HHAT: variants seen among roughly 807,000 people sequenced by gnomAD.
HHAT encodes the protein protein-cysteine N-palmitoyltransferase HHAT.
Under a neutral mutation model 70.8 loss-of-function variants are expected in HHAT, and 47 were observed. That is an observed-to-expected ratio of 0.66 (90% CI 0.53 to 0.85). The LOEUF (loss-of-function observed/expected upper bound fraction) is 0.85, where lower values mean the gene tolerates loss of function less well. Among genes scored for constraint, HHAT ranks in the 40% least tolerant of loss-of-function variants. The probability of loss-of-function intolerance (pLI) is 0.00; values close to 1 mark genes in which losing one functional copy is unlikely to be tolerated. For synonymous variants in HHAT, 228 were observed against 247.6 expected (o/e 0.92, Z 0.74); for missense variants, 609 against 604.8 (o/e 1.01, Z -0.07).
chr1:210,359,664 C>A (rs1353561033), intron 2 of HHAT, among the ~76,000 whole-genome samples: 4 of 152,098 alleles, frequency 2.6e-5, no homozygotes, highest in Non-Finnish European at 5.9e-5. Flanking sequence ...TCGAGACCAG[C>A]CTGACCAACA....
intron 6 of HHAT, among the ~76,000 whole-genome samples, chr1:210,417,451 T>C (rs1572285988): frequency 6.6e-6 from 1 of 152,154 alleles, no homozygotes; most frequent in African/African-American, 2.4e-5. Flanking sequence ...GCCAGGCTGG[T>C]CTCGAACTCC....
chr1:210,372,239 G>T (rs1298441369), intron 3 of HHAT, among the ~76,000 whole-genome samples: 1 of 152,128 alleles, frequency 6.6e-6, no homozygotes, highest in East Asian at 1.9e-4. Flanking sequence ...GTCCCTAGTC[G>T]GTGTAGCCAA....
In HHAT at chr1:210,490,027, T is replaced by C. The variant is rs145725351; in HGVS notation, c.1008-23126T>C. On this transcript the variant is annotated intron_variant, in intron 8 of 11. Coordinates refer to ENST00000261458, the MANE Select transcript of HHAT (RefSeq NM_018194.6). ...GAGATATAGAAGGAAGCAAAGAATT[T>C]AGTGAGCCCATTTGAGTTAAAAAAG... Among the ~76,000 whole-genome samples, 227 of 152,332 alleles carry C rather than the reference T, an allele frequency of 1.5e-3. 1 individual carries two copies. The highest frequency in any genetic ancestry group is 5.3e-3 in the African/African-American group (220 of 41,570).
At chr1:210,432,189 T>C (rs1356790437) in intron 7 of HHAT, among the ~76,000 whole-genome samples, 1 of 151,818 alleles carries the variant, frequency 6.6e-6, no homozygotes, top group Non-Finnish European at 1.5e-5. Flanking sequence ...ACGTGGGAAC[T>C]GTTGCACACA....
intron 6 of HHAT, among the ~76,000 whole-genome samples, chr1:210,406,625 G>A (rs887711729): frequency 2.0e-5 from 3 of 152,068 alleles, no homozygotes; most frequent in African/African-American, 4.8e-5. Context: ...AACTCCTGAG[G>A]TCAGGCAATC....
intron 11 of HHAT, among the ~76,000 whole-genome samples, chr1:210,626,843 A>T (rs1669930899): frequency 1.3e-5 from 2 of 152,304 alleles, no homozygotes; most frequent in East Asian, 1.9e-4. Context: ...TCCGAAACTC[A>T]TCTGACCCCA....
At chr1:210,582,197 A>G (rs1049826162) in intron 9 of HHAT, among the ~76,000 whole-genome samples, 8 of 152,164 alleles carry the variant, frequency 5.3e-5, no homozygotes, top group Non-Finnish European at 1.2e-4. Flanking sequence ...AAATGGTATG[A>G]CCAAAGGCAC....
chr1:210,522,913 T>G (rs1431190811), intron 9 of HHAT, among the ~76,000 whole-genome samples: 1 of 152,216 alleles, frequency 6.6e-6, no homozygotes, highest in Non-Finnish European at 1.5e-5. Flanking sequence ...TCACAATTTC[T>G]GGCTCAAGAA....
chr1:210,415,437 T>C (rs2092692195), intron 6 of HHAT, among the ~76,000 whole-genome samples: 1 of 152,178 alleles, frequency 6.6e-6, no homozygotes, highest in African/African-American at 2.4e-5. Context: ...GCATCTGTAA[T>C]TGCAGTTAGG....
chr1:210,598,963 A>C (rs1185154778), intron 10 of HHAT, among the ~76,000 whole-genome samples: 1 of 152,182 alleles, frequency 6.6e-6, no homozygotes, highest in African/African-American at 2.4e-5. Context: ...TTTGGGGATC[A>C]AAATATAGAA....
At chr1:210,628,924 G>A (rs956228345) in intron 11 of HHAT, among the ~76,000 whole-genome samples, 16 of 152,198 alleles carry the variant, frequency 1.1e-4, no homozygotes, top group African/African-American at 3.9e-4. Context: ...AGGTGTCGGT[G>A]TCTCAGAGGC....
At chr1:210,637,599 C>T (rs1433366766) in intron 11 of HHAT, among the ~76,000 whole-genome samples, 3 of 152,160 alleles carry the variant, frequency 2.0e-5, no homozygotes, top group Admixed American at 6.5e-5. Context: ...TGGTGGCTCA[C>T]ACCTCTAATC....
intron 11 of HHAT, among the ~76,000 whole-genome samples, chr1:210,664,525 C>A (rs1464445347): frequency 1.3e-5 from 2 of 152,204 alleles, no homozygotes; most frequent in African/African-American, 4.8e-5. Flanking sequence ...GGTGTCAGCA[C>A]CCTAGGTCTA....
intron 8 of HHAT, among the ~76,000 whole-genome samples, chr1:210,504,248 A>G (rs1286832992): frequency 6.6e-6 from 1 of 152,238 alleles, no homozygotes; most frequent in Non-Finnish European, 1.5e-5. Context: ...TTCCTGGATA[A>G]TTATAGCATT....
intron 7 of HHAT, among the ~76,000 whole-genome samples, chr1:210,421,571 A>G (rs1424277485): frequency 2.0e-5 from 3 of 152,188 alleles, no homozygotes; most frequent in African/African-American, 4.8e-5. Context: ...CAGCCTCCCA[A>G]GTAGCTGGGA....
At chr1:210,394,897 G>T (rs756812913) in intron 4 of HHAT, among the ~76,000 whole-genome samples, 1 of 152,072 alleles carries the variant, frequency 6.6e-6, no homozygotes, top group Admixed American at 6.5e-5. Context: ...TTCCTTTTAC[G>T]TGGGCCTGCT....
intron 6 of HHAT, among the ~76,000 whole-genome samples, chr1:210,405,867 T>C (rs994549134): frequency 6.6e-6 from 1 of 152,214 alleles, no homozygotes; most frequent in Admixed American, 6.5e-5. Flanking sequence ...GAATTTAAAA[T>C]CTGCATTTGA....
intron 11 of HHAT, among the ~76,000 whole-genome samples, chr1:210,663,419 A>T (rs543922182): frequency 6.6e-6 from 1 of 152,204 alleles, no homozygotes; most frequent in African/African-American, 2.4e-5. Flanking sequence ...CTGAGCTTCA[A>T]TGGTCAAGTG....
intron 4 of HHAT, among the ~76,000 whole-genome samples, chr1:210,395,080 A>C (rs1177063017): frequency 6.6e-6 from 1 of 152,186 alleles, no homozygotes; most frequent in Non-Finnish European, 1.5e-5. Context: ...GTCATACATA[A>C]GATTGATTGA....
Sources: gnomAD v4.1 joint callset for allele counts (sites outside exome capture counted in the v4.1 genomes callset) on GRCh38, gnomAD v4.1.1 for gene constraint, MANE v1.5 for transcripts, NCBI Gene and HGNC (gene_info 2026-07-23, HGNC 2026-07-21) for gene names.